Variants in RBFOX1 observed in about 807,000 individuals in gnomAD.
The protein encoded by RBFOX1 is RNA binding protein fox-1 homolog 1.
A neutral mutation model predicts 57.7 loss-of-function variants in RBFOX1; 8 were observed. The ratio of observed to expected loss-of-function variants is 0.14; its 90% confidence interval spans 0.08 to 0.25. The LOEUF is 0.25. Among genes scored for constraint, RBFOX1 ranks in the 10% least tolerant of loss-of-function variants. The pLI is 1.00. For missense variants in RBFOX1, 611 were observed against 548.5 expected (o/e 1.11, Z -1.14); for synonymous variants, 326 against 222.4 (o/e 1.47, Z -4.15).
intron 1 of RBFOX1, among the ~76,000 whole-genome samples, chr16:6,244,895 G>A (rs1055726763): frequency 6.6e-6 from 1 of 151,976 alleles, no homozygotes; most frequent in African/African-American, 2.4e-5. Context: ...CCACATTCTG[G>A]TGTCCTTTGG....
At chr16:7,556,984 C>T (rs78676078) in intron 5 of RBFOX1, among the ~76,000 whole-genome samples, 2,820 of 152,304 alleles carry the variant, frequency 0.019, 100 homozygotes, top group African/African-American at 0.064. Context: ...ACATCCTCCT[C>T]CTCATCATAT....
At chr16:6,656,755 A>G (rs74249672) in intron 3 of RBFOX1, among the ~76,000 whole-genome samples, 7,985 of 152,164 alleles carry the variant, frequency 0.052, 473 homozygotes, top group African/African-American at 0.13. Flanking sequence ...TTTCTAAACA[A>G]TTTGTTGCAG....
intron 3 of RBFOX1, among the ~76,000 whole-genome samples, chr16:5,701,298 A>G (rs530818644): frequency 2.3e-4 from 35 of 152,354 alleles, no homozygotes; most frequent in African/African-American, 8.4e-4. Flanking sequence ...CTTGAATTCC[A>G]ATGTAATGCA....
intron 2 of RBFOX1, among the ~76,000 whole-genome samples, chr16:5,553,709 G>A (rs554762655): frequency 1.8e-4 from 27 of 148,930 alleles, no homozygotes; most frequent in East Asian, 2.0e-4. Context: ...GTATATATAT[G>A]TGTGTATATA....
At position 6,540,091 on chromosome 16, in the gene RBFOX1, G is replaced by C. The variant is rs1406865266; in HGVS notation, c.-63-114512G>C. Among the ~76,000 whole-genome samples, 346 of 152,228 alleles carry C rather than the reference G, an allele frequency of 2.3e-3. 1 individual carries two copies. Among genetic ancestry groups the C allele is most frequent in the African/African-American group, 8.0e-3 (332 of 41,550 alleles). On this transcript the variant is annotated intron_variant, in intron 2 of 15. Coordinates refer to ENST00000550418, the MANE Select transcript of RBFOX1 (RefSeq NM_018723.4). Reference sequence around the variant, plus strand: ...TGACTTTGATGAAATAGAGAAGCAGGCTGCCCTCTGTCAGTTGAAGAACCC... The same window carrying C: ...TGACTTTGATGAAATAGAGAAGCAGCCTGCCCTCTGTCAGTTGAAGAACCC...
chr16:7,609,743 A>C (rs1469071879), intron 10 of RBFOX1, among the ~76,000 whole-genome samples: 1 of 152,166 alleles, frequency 6.6e-6, no homozygotes, highest in Non-Finnish European at 1.5e-5. Context: ...CCAGATTTTG[A>C]AATCAGGCTT....
At chr16:5,711,004 G>C (rs1419200117) in intron 3 of RBFOX1, among the ~76,000 whole-genome samples, 1 of 152,196 alleles carries the variant, frequency 6.6e-6, no homozygotes, top group Non-Finnish European at 1.5e-5. Flanking sequence ...CCTGACCCTA[G>C]GGTAAGTGGG....
intron 3 of RBFOX1, among the ~76,000 whole-genome samples, chr16:7,037,706 G>T (rs2044937309): frequency 6.6e-6 from 1 of 152,176 alleles, no homozygotes; most frequent in African/African-American, 2.4e-5. Context: ...GGGCACATGG[G>T]TAGACCCAGG....
intron 3 of RBFOX1, among the ~76,000 whole-genome samples, chr16:5,632,242 C>A (rs922648261): frequency 6.6e-6 from 1 of 152,302 alleles, no homozygotes; most frequent in East Asian, 1.9e-4. Context: ...AGACAACTAG[C>A]CACAGTCTGA....
At chr16:6,470,456 T>G (rs988194911) in intron 2 of RBFOX1, among the ~76,000 whole-genome samples, 2 of 152,258 alleles carry the variant, frequency 1.3e-5, no homozygotes, top group Non-Finnish European at 2.9e-5. Context: ...GCAACTGCAT[T>G]CTCCTATGTT....
chr16:7,494,548 G>T (rs755413832), intron 4 of RBFOX1, among the ~76,000 whole-genome samples: 5 of 152,136 alleles, frequency 3.3e-5, no homozygotes, highest in African/African-American at 1.2e-4. Flanking sequence ...TAATAGCACA[G>T]AGATGTTCAG....
At chr16:7,677,817 A>G (rs1401159872) in intron 14 of RBFOX1, among the ~76,000 whole-genome samples, 3 of 152,204 alleles carry the variant, frequency 2.0e-5, no homozygotes, top group Admixed American at 6.5e-5. Flanking sequence ...ATGCTGGGTC[A>G]GACAGGTAAG....
intron 3 of RBFOX1, among the ~76,000 whole-genome samples, chr16:6,930,149 TAAAGA>T (rs2076270046): frequency 6.6e-6 from 1 of 152,192 alleles, no homozygotes; most frequent in East Asian, 1.9e-4. Context: ...GCTAGGGAAA[TAAAGA>T]GAAGAGAGAT....
intron 1 of RBFOX1, among the ~76,000 whole-genome samples, chr16:6,151,217 G>A (rs1160167148): frequency 6.6e-6 from 1 of 152,094 alleles, no homozygotes; most frequent in Non-Finnish European, 1.5e-5. Context: ...CAAGTTTGTG[G>A]CCAGGCTTAA....
intron 5 of RBFOX1, among the ~76,000 whole-genome samples, chr16:7,561,599 T>G: frequency 6.6e-6 from 1 of 152,210 alleles, no homozygotes; most frequent in East Asian, 1.9e-4. Flanking sequence ...TCACAAAGAA[T>G]GATATCTCCA....
intron 1 of RBFOX1, among the ~76,000 whole-genome samples, chr16:5,372,619 C>G (rs543356935): frequency 1.3e-5 from 2 of 152,210 alleles, no homozygotes; most frequent in South Asian, 2.1e-4. Context: ...GGGCTCAGGT[C>G]TCTCTACTAT....
intron 3 of RBFOX1, among the ~76,000 whole-genome samples, chr16:6,895,286 G>A (rs1389033337): frequency 6.6e-6 from 1 of 151,268 alleles, no homozygotes; most frequent in Admixed American, 6.6e-5. Flanking sequence ...GAATCCCCTG[G>A]ATAGCTCTAA....
chr16:6,218,433 C>T (rs568879097), intron 1 of RBFOX1, among the ~76,000 whole-genome samples: 17 of 152,130 alleles, frequency 1.1e-4, no homozygotes, highest in Admixed American at 6.6e-4. Context: ...CTTAGCCTGC[C>T]GAGTAGCTGG....
At chr16:7,292,870 C>T (rs1012029198) in intron 4 of RBFOX1, among the ~76,000 whole-genome samples, 1 of 152,050 alleles carries the variant, frequency 6.6e-6, no homozygotes, top group Non-Finnish European at 1.5e-5. Context: ...TGATACAAAG[C>T]TGGATAAGAG....
Sources: allele counts gnomAD v4.1 joint callset (sites outside exome capture counted in the v4.1 genomes callset), GRCh38; gene constraint gnomAD v4.1.1; transcripts MANE v1.5; gene names NCBI Gene and HGNC (gene_info 2026-07-23, HGNC 2026-07-21).